ESRRG: variants seen among roughly 807,000 people sequenced by gnomAD.
ESRRG encodes the protein estrogen-related receptor gamma.
A neutral mutation model predicts 44.0 loss-of-function variants in ESRRG; 13 were observed. The observed-to-expected ratio is 0.30, with a 90% CI of 0.19 to 0.47. The LOEUF is 0.47. Among genes scored for constraint, ESRRG ranks in the 20% least tolerant of loss-of-function variants. The pLI is 1.00. For missense variants in ESRRG, 395 were observed against 580.6 expected, an observed-to-expected ratio of 0.68 and a Z score of 3.29; for synonymous variants, 215 against 214.6, an observed-to-expected ratio of 1.00 and a Z score of -0.02.
chr1:216,619,699 G>A (rs2061922646), intron 3 of ESRRG, among the ~76,000 whole-genome samples: 2 of 152,070 alleles, frequency 1.3e-5, no homozygotes, highest in Non-Finnish European at 2.9e-5. Flanking sequence ...AATTTTTGAG[G>A]TTAACATTAA....
chr1:217,065,522 G>C (rs1558170694), intron 1 of ESRRG, among the ~76,000 whole-genome samples: 1 of 152,194 alleles, frequency 6.6e-6, no homozygotes, highest in East Asian at 1.9e-4. Context: ...TCTAAAAGGA[G>C]AGCCTCATCT....
chr1:216,956,782 C>G (rs1413304133), intron 1 of ESRRG, among the ~76,000 whole-genome samples: 1 of 152,144 alleles, frequency 6.6e-6, no homozygotes, highest in Non-Finnish European at 1.5e-5. Context: ...ACAATAAAAT[C>G]TTGAAAGCTA....
At chr1:216,554,658 T>C (rs1369921341) in intron 5 of ESRRG, among the ~76,000 whole-genome samples, 1 of 152,058 alleles carries the variant, frequency 6.6e-6, no homozygotes, top group Non-Finnish European at 1.5e-5. Context: ...ATTTGTAAAA[T>C]GCCATTAATA....
At chr1:216,940,115 G>C (rs751047981) in intron 1 of ESRRG, among the ~76,000 whole-genome samples, 1 of 152,092 alleles carries the variant, frequency 6.6e-6, no homozygotes, top group Admixed American at 6.6e-5. Flanking sequence ...TTCTCCAAAC[G>C]TGAAGGCTTT....
intron 2 of ESRRG, among the ~76,000 whole-genome samples, chr1:216,931,835 C>CAAAAAAAAAAAAAAAAAAAACAAAAAAAA (rs56050369): frequency 7.6e-6 from 1 of 130,974 alleles, no homozygotes; most frequent in Non-Finnish European, 1.6e-5. Context: ...TGAGAAACCA[C>CAAAAAAAAAAAAAAAAAAAACAAAAAAAA]AAAAAAAAAA....
chr1:216,938,753 A>G (rs2064612906), intron 2 of ESRRG, among the ~76,000 whole-genome samples: 1 of 152,176 alleles, frequency 6.6e-6, no homozygotes, highest in African/African-American at 2.4e-5. Context: ...CAGAGTAACT[A>G]ATACATCAGA....
chr1:216,895,237 C>T (rs1396680529), intron 2 of ESRRG, among the ~76,000 whole-genome samples: 1 of 152,138 alleles, frequency 6.6e-6, no homozygotes. Context: ...TGTCGCCATT[C>T]CTTTCATGTG....
chr1:216,880,251 G>A (rs960362993), intron 2 of ESRRG, among the ~76,000 whole-genome samples: 2 of 127,876 alleles, frequency 1.6e-5, no homozygotes, highest in African/African-American at 3.0e-5. Flanking sequence ...AGGTTGCAGT[G>A]TGCCAAGATT....
At chr1:216,604,980 A>C (rs1409030322) in intron 3 of ESRRG, among the ~76,000 whole-genome samples, 2 of 152,192 alleles carry the variant, frequency 1.3e-5, no homozygotes, top group African/African-American at 4.8e-5. Context: ...CCAGATGGAC[A>C]GGTGGATGGA....
intron 3 of ESRRG, among the ~76,000 whole-genome samples, chr1:216,609,683 A>G (rs1261743899): frequency 6.6e-6 from 1 of 152,116 alleles, no homozygotes; most frequent in Non-Finnish European, 1.5e-5. Context: ...ACAACTTTAG[A>G]AATAACTAGT....
At chr1:216,919,027 A>T (rs762780830) in intron 2 of ESRRG, among the ~76,000 whole-genome samples, 1 of 152,106 alleles carries the variant, frequency 6.6e-6, no homozygotes, top group Non-Finnish European at 1.5e-5. Flanking sequence ...AATACTTAAT[A>T]TCTGGTATTA....
chr1:216,730,412 A>G (rs2088536243), intron 2 of ESRRG, among the ~76,000 whole-genome samples: 1 of 152,082 alleles, frequency 6.6e-6, no homozygotes, highest in Admixed American at 6.6e-5. Context: ...TCTTCTCCCC[A>G]GCTAATTATT....
At chr1:216,525,494 G>T (rs1185459310) in intron 5 of ESRRG, among the ~76,000 whole-genome samples, 1 of 142,814 alleles carries the variant, frequency 7.0e-6, no homozygotes, top group Non-Finnish European at 1.5e-5. Context: ...GGGGGGCATG[G>T]AGGCAAGTAT....
At chr1:216,660,982 C>T (rs2072197542) in intron 2 of ESRRG, among the ~76,000 whole-genome samples, 1 of 151,960 alleles carries the variant, frequency 6.6e-6, no homozygotes, top group East Asian at 1.9e-4. Context: ...AAAAGTAATC[C>T]ATAATCATGA....
chr1:216,764,732 G>C (rs929129299), intron 2 of ESRRG, among the ~76,000 whole-genome samples: 2 of 152,110 alleles, frequency 1.3e-5, no homozygotes, highest in African/African-American at 4.8e-5. Flanking sequence ...GTATCCCTAA[G>C]AGATCCAACA....
intron 1 of ESRRG, among the ~76,000 whole-genome samples, chr1:216,720,265 C>A (rs1273853249): frequency 2.6e-5 from 4 of 152,030 alleles, no homozygotes; most frequent in African/African-American, 7.2e-5. Context: ...CTCAAGAATG[C>A]TCACAACTAA....
intron 1 of ESRRG, among the ~76,000 whole-genome samples, chr1:217,134,188 C>T (rs575953820): frequency 8.5e-5 from 13 of 152,212 alleles, no homozygotes; most frequent in East Asian, 1.9e-4. Context: ...CGCTCCAGCC[C>T]CCATGGTTTG....
At chr1:216,536,874 T>C (rs139038789) in intron 5 of ESRRG, among the ~76,000 whole-genome samples, 114 of 152,014 alleles carry the variant, frequency 7.5e-4, no homozygotes, top group African/African-American at 2.7e-3. Flanking sequence ...CAGGCAGTGG[T>C]ATAATACTGC....
chr1:217,071,269 A>G lies in ESRRG; in HGVS notation c.-106+18238T>C, dbSNP rs192576928. 3.7e-4 allele frequency among the ~76,000 whole-genome samples: 56 copies of G among 152,304 alleles called. No individual in the cohort carries two copies. The East Asian group carries it at 5.6e-3, about 15-fold the overall frequency. On this transcript the variant is annotated intron_variant, in intron 1 of 7. Coordinates refer to the ESRRG transcript ENST00000359162. ...CATTGCAAAAAAACAAAAAACAAACAAACAAACAAAAACACCTTTCCCACA... is the reference window on the plus strand; with the variant it reads ...CATTGCAAAAAAACAAAAAACAAACGAACAAACAAAAACACCTTTCCCACA...
Sources: allele counts gnomAD v4.1 joint callset (sites outside exome capture counted in the v4.1 genomes callset), GRCh38; gene constraint gnomAD v4.1.1; transcripts MANE v1.5; gene names NCBI Gene and HGNC (gene_info 2026-07-23, HGNC 2026-07-21).